RHBDD1: variants seen among roughly 807,000 people sequenced by gnomAD.
RHBDD1 encodes rhomboid-related protein 4.
RHBDD1 carries 38 observed loss-of-function variants against 36.3 expected under a neutral mutation model. The ratio of observed to expected loss-of-function variants is 1.05; its 90% confidence interval spans 0.81 to 1.37. The LOEUF is 1.37. Ranked by LOEUF, RHBDD1 falls within the 40% of genes most tolerant of loss-of-function variation. The pLI, the probability that RHBDD1 is intolerant of heterozygous loss-of-function variation, is 0.00. For synonymous variants in RHBDD1, 151 were observed against 136.5 expected (o/e 1.11, Z -0.74); for missense variants, 393 against 377.6 (o/e 1.04, Z -0.34).
At chr2:226,927,864 A>G (rs1441234004) in intron 8 of RHBDD1, among the ~76,000 whole-genome samples, 1 of 152,084 alleles carries the variant, frequency 6.6e-6, no homozygotes, top group Non-Finnish European at 1.5e-5. Context: ...GCTTCATAAG[A>G]TAGGTGATTT....
intron 8 of RHBDD1, among the ~76,000 whole-genome samples, chr2:226,987,614 C>T (rs1559354795): frequency 6.6e-6 from 1 of 152,234 alleles, no homozygotes; most frequent in South Asian, 2.1e-4. Flanking sequence ...ACTCGAACCT[C>T]TGTGTGGGAG....
At chr2:226,857,159 G>A (rs1943412865) in intron 3 of RHBDD1, among the ~76,000 whole-genome samples, 1 of 151,964 alleles carries the variant, frequency 6.6e-6, no homozygotes, top group South Asian at 2.1e-4. Context: ...GAACATGTGT[G>A]TGTTTATATT....
intron 8 of RHBDD1, among the ~76,000 whole-genome samples, chr2:226,971,796 AT>A (rs199799517): frequency 1.1e-3 from 168 of 148,574 alleles, no homozygotes; most frequent in Middle Eastern, 6.8e-3. Flanking sequence ...TTGAGATATG[AT>A]TTTTTTTTTA....
At chr2:226,974,246 T>TTTTAC (rs1300131361) in intron 8 of RHBDD1, among the ~76,000 whole-genome samples, 1 of 151,712 alleles carries the variant, frequency 6.6e-6, no homozygotes, top group African/African-American at 2.4e-5. Context: ...TTTTATTTTA[T>TTTTAC]TTTATTTTTG....
chr2:226,959,017 T>TAATA (rs1245105786), intron 8 of RHBDD1, among the ~76,000 whole-genome samples: 4 of 152,094 alleles, frequency 2.6e-5, no homozygotes, highest in African/African-American at 9.7e-5. Context: ...ATCTGACTGG[T>TAATA]AATAGTTCTC....
chr2:226,909,528 G>C (rs10204368), intron 7 of RHBDD1, among the ~76,000 whole-genome samples: 66,105 of 151,858 alleles, frequency 0.44, 14,575 homozygotes, highest in South Asian at 0.5. Context: ...GAATGTGCCC[G>C]TCCCCAAATT....
intron 8 of RHBDD1, among the ~76,000 whole-genome samples, chr2:226,990,812 CTT>C (rs1958020848): frequency 6.6e-6 from 1 of 152,146 alleles, no homozygotes. Flanking sequence ...ATGCTCACTG[CTT>C]CTTTGAGTAA....
At chr2:226,972,025 A>G (rs569195457) in intron 8 of RHBDD1, among the ~76,000 whole-genome samples, 122 of 151,992 alleles carry the variant, frequency 8.0e-4, no homozygotes, top group African/African-American at 2.8e-3. Context: ...CCCGTCATCT[A>G]TGTTTTAAGC....
At chr2:226,871,026 C>A (rs1944757538) in intron 5 of RHBDD1, among the ~76,000 whole-genome samples, 2 of 152,064 alleles carry the variant, frequency 1.3e-5, no homozygotes, top group Admixed American at 1.3e-4. Flanking sequence ...AGCATTACCC[C>A]CTAGGCTTTG....
At chr2:226,863,412 C>G (rs146962527) in intron 3 of RHBDD1, among the ~76,000 whole-genome samples, 6 of 152,198 alleles carry the variant, frequency 3.9e-5, no homozygotes. Flanking sequence ...CCACAGCACT[C>G]GCGAAAGGCA....
chr2:226,943,366 A>G (rs1950783509), intron 8 of RHBDD1, among the ~76,000 whole-genome samples: 1 of 152,208 alleles, frequency 6.6e-6, no homozygotes, highest in South Asian at 2.1e-4. Flanking sequence ...CATAGGAGAC[A>G]GGTGAAACAA....
chr2:226,892,634 A>T (rs1946780220), intron 5 of RHBDD1, among the ~76,000 whole-genome samples: 1 of 152,182 alleles, frequency 6.6e-6, no homozygotes. Context: ...AGACCAACTT[A>T]CCAAGAAGGG....
intron 5 of RHBDD1, among the ~76,000 whole-genome samples, chr2:226,891,789 C>G (rs1260894707): frequency 2.0e-5 from 3 of 152,204 alleles, no homozygotes; most frequent in African/African-American, 7.2e-5. Context: ...CAGATAGCTT[C>G]TAATATTTTT....
At chr2:226,849,209 T>C (rs1316843275) in intron 3 of RHBDD1, among the ~76,000 whole-genome samples, 2 of 152,226 alleles carry the variant, frequency 1.3e-5, no homozygotes, top group African/African-American at 4.8e-5. Context: ...GCCACATAGC[T>C]CTTAATGCTA....
intron 5 of RHBDD1, among the ~76,000 whole-genome samples, chr2:226,874,544 A>C (rs1574905362): frequency 1.3e-5 from 2 of 152,046 alleles, no homozygotes. Flanking sequence ...GCCATTCCTT[A>C]GCTTGGGGCT....
intron 8 of RHBDD1, among the ~76,000 whole-genome samples, chr2:226,941,621 A>G (rs921730847): frequency 4.6e-5 from 7 of 152,156 alleles, no homozygotes; most frequent in African/African-American, 1.7e-4. Context: ...ATGGTACTTG[A>G]GCTCATCTAT....
At chr2:226,800,418 C>G in the RHBDD1 span, among the ~76,000 whole-genome samples, 1 of 152,154 alleles carries the variant, frequency 6.6e-6, no homozygotes, top group Non-Finnish European at 1.5e-5. Context: ...CTGGAAGGAA[C>G]AGAGGGACGC....
At chr2:226,819,166 TTGA>T in the RHBDD1 span, among the ~76,000 whole-genome samples, 1 of 152,194 alleles carries the variant, frequency 6.6e-6, no homozygotes. Context: ...TGAACAGTAT[TTGA>T]TGATGAAGAC....
At chr2:226,821,742 T>C in the RHBDD1 span, among the ~76,000 whole-genome samples, 3 of 152,138 alleles carry the variant, frequency 2.0e-5, no homozygotes, top group African/African-American at 7.2e-5. Flanking sequence ...ATAAAATCTA[T>C]ATGAATTTTT....
Sources: allele counts gnomAD v4.1 joint callset (sites outside exome capture counted in the v4.1 genomes callset), GRCh38; gene constraint gnomAD v4.1.1; transcripts MANE v1.5; gene names NCBI Gene and HGNC (gene_info 2026-07-23, HGNC 2026-07-21).